Variants in STRN observed in about 807,000 individuals in gnomAD.
The protein encoded by STRN is protein phosphatase 2 regulatory subunit B'''alpha.
A neutral mutation model predicts 96.3 loss-of-function variants in STRN; 53 were observed. The observed-to-expected ratio is 0.55, with a 90% CI of 0.44 to 0.69. The LOEUF (loss-of-function observed/expected upper bound fraction) is 0.69. STRN is among the 30% of genes least tolerant of loss of function. The pLI is 0.00. For synonymous variants in STRN, 428 were observed against 355.9 expected (o/e 1.20, Z -2.28); for missense variants, 987 against 963.9 (o/e 1.02, Z -0.32).
chr2:36,894,786 C>T (rs143385582), intron 6 of STRN, among the ~76,000 whole-genome samples: 25 of 152,296 alleles, frequency 1.6e-4, no homozygotes, highest in African/African-American at 5.5e-4. Flanking sequence ...GTTTTACAGA[C>T]AGACCAATAG....
intron 10 of STRN, among the ~76,000 whole-genome samples, chr2:36,876,882 G>C (rs543966784): frequency 6.6e-6 from 1 of 151,954 alleles, no homozygotes; most frequent in Non-Finnish European, 1.5e-5. Context: ...CGAGTAGTTG[G>C]GACTACAGGC....
intron 7 of STRN, 54 bp from the exon 8 acceptor site, chr2:36,886,880 C>T (rs1368269416): frequency 2.1e-6 from 3 of 1,417,074 alleles, no homozygotes; most frequent in East Asian, 4.7e-5. Context: ...ATTGAACACT[C>T]TGAGTCAGTA....
At chr2:36,887,314 T>TAAAA (rs1161686660) in intron 7 of STRN, among the ~76,000 whole-genome samples, 10 of 148,254 alleles carry the variant, frequency 6.7e-5, no homozygotes, top group Admixed American at 6.7e-4. Context: ...AATAAATAAA[T>TAAAA]ACAAAATTAG....
chr2:36,897,421 AAAAAAACT>A (rs1669569863), intron 6 of STRN, among the ~76,000 whole-genome samples: 1 of 140,786 alleles, frequency 7.1e-6, no homozygotes, highest in Non-Finnish European at 1.6e-5. Context: ...TTTTTTTCCA[AAAAAAACT>A]AAAAAATATA....
intron 1 of STRN, among the ~76,000 whole-genome samples, chr2:36,956,245 A>G (rs1220257802): frequency 1.3e-5 from 2 of 152,198 alleles, no homozygotes; most frequent in African/African-American, 4.8e-5. Flanking sequence ...ACCAACAAAA[A>G]AGCAAACCAC....
At chr2:36,950,208 G>GTTTTTTTT (rs1338547776) in intron 1 of STRN, among the ~76,000 whole-genome samples, 1 of 124,088 alleles carries the variant, frequency 8.1e-6, no homozygotes, top group East Asian at 2.9e-4. Context: ...GGTTGGTTTG[G>GTTTTTTTT]TTTTGTTTTT....
chr2:36,889,473 T>A (rs1053840783), intron 7 of STRN, among the ~76,000 whole-genome samples: 42 of 151,818 alleles, frequency 2.8e-4, no homozygotes, highest in Admixed American at 2.4e-3. Flanking sequence ...TCCCCAAATG[T>A]CTTCAGGTTT....
chr2:36,911,866 C>T (rs752000145), intron 3 of STRN, among the ~76,000 whole-genome samples: 2 of 152,198 alleles, frequency 1.3e-5, no homozygotes, highest in Non-Finnish European at 2.9e-5. Context: ...CTCAACTGGA[C>T]CCTTAGCTTT....
At chr2:36,931,307 CAT>C (rs1227785600) in intron 1 of STRN, among the ~76,000 whole-genome samples, 2 of 152,154 alleles carry the variant, frequency 1.3e-5, no homozygotes, top group African/African-American at 2.4e-5. Context: ...AGTTCAATCA[CAT>C]GTTTGGGAAA....
chr2:36,869,702 T>G lies in STRN; in HGVS notation c.1351A>C (p.Lys451Gln). The change falls in exon 11 of 18, where the codon AAG (lysine) becomes CAG (glutamine). Residue 451 changes from lysine (K) to glutamine (Q), a missense_variant. Physicochemically the swap from Lys to Gln is moderately conservative, Grantham distance 53. Coordinates refer to ENST00000263918, the MANE Select transcript of STRN (RefSeq NM_003162.4). ...DIANNKDALR[K>Q]TWNPKFTLRS... The stretch of plus-strand genomic sequence containing the variant: ...AATGTAAACTTAGGGTTCCATGTCT[T>G]CCTCAATGCATCTTTATTGTTTGCT... The G allele has an allele frequency of 6.2e-7, 1 of 1,607,132 alleles. No homozygotes were observed. The highest frequency in any genetic ancestry group is 8.5e-7 in the Non-Finnish European group (1 of 1,177,358).
intron 1 of STRN, among the ~76,000 whole-genome samples, chr2:36,934,768 C>G (rs916250395): frequency 5.9e-5 from 9 of 152,136 alleles, no homozygotes; most frequent in African/African-American, 2.2e-4. Flanking sequence ...CTCACACATC[C>G]TATGTTCCAA....
In STRN at chr2:36,905,579, C is replaced by T. The variant is rs140903523; in HGVS notation, c.452G>A (p.Ser151Asn). 2 of 1,613,536 alleles carry T rather than the reference C, an allele frequency of 1.2e-6. No individual in the cohort carries two copies. Among genetic ancestry groups the T allele is most frequent in the Non-Finnish European group, 8.5e-7 (1 of 1,179,902 alleles). The change falls in exon 4 of 18, where the codon AGC (serine) becomes AAC (asparagine). Residue 151 changes from serine to asparagine, a missense_variant. Physicochemically the swap from Ser to Asn is conservative, Grantham distance 46 (BLOSUM62 1). Coordinates refer to ENST00000263918, the MANE Select transcript of STRN (RefSeq NM_003162.4). Reference protein sequence around the residue: ...NETEVQPQQNSQLMWKQGRQL... With the variant: ...NETEVQPQQNNQLMWKQGRQL... ...TCGACCTTGTTTCCACATTAACTGG[C>T]TGTTTTGTTGTGGCTGCACTTCTGT...
intron 2 of STRN, among the ~76,000 whole-genome samples, chr2:36,916,508 AAAG>A (rs1421843057): frequency 2.0e-5 from 3 of 152,142 alleles, no homozygotes; most frequent in African/African-American, 7.2e-5. Context: ...AAAAAAAAAA[AAAG>A]GTTTGGATTG....
intron 12 of STRN, among the ~76,000 whole-genome samples, chr2:36,866,301 T>C (rs1276346685): frequency 6.6e-6 from 1 of 152,136 alleles, no homozygotes; most frequent in Non-Finnish European, 1.5e-5. Flanking sequence ...TCTGAGCTCA[T>C]GCAATCTGCC....
At chr2:36,893,411 T>C (rs774974134) in intron 7 of STRN, among the ~76,000 whole-genome samples, 1 of 146,284 alleles carries the variant, frequency 6.8e-6, no homozygotes, top group South Asian at 2.3e-4. Flanking sequence ...TCAACTCTTA[T>C]TAGGTGTTTA....
chr2:36,966,536 C>A lies in STRN; in HGVS notation c.-73G>T. ...GCAACAGCGGCGGCAAGCAGCGCCT[C>A]CTCCTCCCTCCGCCGCTCCCGCCCA... is the stretch of plus-strand genomic sequence containing the variant. On this transcript the variant is annotated 5_prime_UTR_variant, in exon 1 of 18. Coordinates refer to ENST00000263918, the MANE Select transcript of STRN (RefSeq NM_003162.4). 2 of 1,340,510 alleles carry A rather than the reference C, an allele frequency of 1.5e-6. No individual in the cohort carries two copies. Among genetic ancestry groups the A allele is most frequent in the Non-Finnish European group, 1.9e-6 (2 of 1,050,482 alleles). 83.0% of individuals were successfully genotyped at this position (1,340,510 alleles called of 1,614,324 possible). A position where few individuals can be genotyped will look rare whatever the true frequency, so the allele number is the denominator to read the frequency against.
At position 36,846,592 on chromosome 2, in the gene STRN, A is replaced by G. The variant is rs1430042049; in HGVS notation, c.*2864T>C. On this transcript the variant is annotated 3_prime_UTR_variant, in exon 18 of 18. Transcript: ENST00000263918. Reference sequence around the variant, plus strand: ...TCAGATTAAAAAAAAAATTTCTCACAAAGTTCATCATCAGTGATGCAGCTC... The same window carrying G: ...TCAGATTAAAAAAAAAATTTCTCACGAAGTTCATCATCAGTGATGCAGCTC... 3.3e-5 allele frequency: 5 copies of G among 151,366 alleles called. No individual in the cohort carries two copies. The highest frequency in any genetic ancestry group is 7.4e-5 in the Non-Finnish European group (5 of 67,838). The allele number at this position is 151,366 out of a possible 1,614,324, so 9.4% of individuals were successfully genotyped here.
chr2:36,853,636 T>TGAG (rs573932532), intron 15 of STRN, among the ~76,000 whole-genome samples: 54 of 152,314 alleles, frequency 3.5e-4, no homozygotes, highest in African/African-American at 1.2e-3. Context: ...TTGACATCAA[T>TGAG]GAGAAGAAGG....
chr2:36,863,884 C>G (rs1321250027), intron 12 of STRN, among the ~76,000 whole-genome samples: 2 of 151,930 alleles, frequency 1.3e-5, no homozygotes, highest in African/African-American at 4.8e-5. Flanking sequence ...CCATGGTTAG[C>G]TATATTCCTA....
Sources: gnomAD v4.1 joint callset for allele counts (sites outside exome capture counted in the v4.1 genomes callset) on GRCh38, gnomAD v4.1.1 for gene constraint, MANE v1.5 for transcripts, NCBI Gene and HGNC (gene_info 2026-07-23, HGNC 2026-07-21) for gene names.